Variants in MYCBPAP observed in about 807,000 individuals in gnomAD.
MYCBPAP encodes the protein MYCBP associated protein.
In MYCBPAP, 60 loss-of-function variants were observed where a neutral mutation model predicts 106.1. The ratio of observed to expected loss-of-function variants is 0.57; its 90% CI spans 0.46 to 0.70. The LOEUF (loss-of-function observed/expected upper bound fraction) is 0.70, where lower values mean the gene tolerates loss of function less well. MYCBPAP is among the 30% of genes least tolerant of loss of function. The probability of loss-of-function intolerance (pLI) is 0.00; values close to 1 mark genes in which losing one functional copy is unlikely to be tolerated. For missense variants in MYCBPAP, 1,064 were observed against 1,169.3 expected, an observed-to-expected ratio of 0.91 and a Z score of 1.31; for synonymous variants, 407 against 440.6, an observed-to-expected ratio of 0.92 and a Z score of 0.95.
In MYCBPAP at chr17:50,528,760, A is replaced by G; in HGVS notation, c.2473A>G (p.Lys825Glu). The G allele has an allele frequency of 3.7e-6, 6 of 1,614,160 alleles. No individual in the cohort carries two copies. The highest frequency in any genetic ancestry group is 5.1e-6 in the Non-Finnish European group (6 of 1,180,030). ...PVGKAGKEERKGAAQEKKQLG... is the reference protein window; with the variant it reads ...PVGKAGKEEREGAAQEKKQLG... ...GGGGAAAGCTGGGAAGGAGGAGCGG[A>G]AAGGAGCAGCCCAGGAAAAGAAGCA... Residue 825 changes from lysine (K) to glutamate (E), a missense_variant, in exon 17 of 19, where the codon AAA (lysine) becomes GAA (glutamate). Transcript: ENST00000323776.
At position 50,528,630 on chromosome 17, in the gene MYCBPAP, C is replaced by T. The variant is rs1351200246; in HGVS notation, c.2408-65C>T. On this transcript the variant is annotated intron_variant, in intron 16 of 18. Transcript: ENST00000323776. ...TTCCACCTCCCCTCAAGCCTCCTCA[C>T]GTACCTGCAGCATCCACTAGGCTGT... 9.5e-6 allele frequency: 15 copies of T among 1,577,000 alleles called. No homozygotes were observed. The Middle Eastern group carries it at 5.0e-4, about 53-fold the overall frequency.
At chr17:50,518,060 C>G (rs1200031857) in intron 4 of MYCBPAP, among the ~76,000 whole-genome samples, 1 of 152,220 alleles carries the variant, frequency 6.6e-6, no homozygotes, top group Non-Finnish European at 1.5e-5. Flanking sequence ...CTGGCCTGCC[C>G]TCCTCAGTCC....
intron 12 of MYCBPAP, 101 bp from the exon 13 acceptor site, chr17:50,524,776 G>C: frequency 8.9e-7 from 1 of 1,118,132 alleles, no homozygotes. Flanking sequence ...CAGGAACTCA[G>C]ACCCTAGGAA....
Position 50,521,196 on chromosome 17 carries a change from A to T in MYCBPAP, c.1003A>T (p.Ile335Phe). 2 of 1,613,502 alleles carry T rather than the reference A, an allele frequency of 1.2e-6. No individual in the cohort carries two copies. Among genetic ancestry groups the T allele is most frequent in the Non-Finnish European group, 1.7e-6 (2 of 1,179,812 alleles). ...LIYRRKELQR[I>F]MEELDFSQQD... is the part of the protein sequence containing the mutation. ...CTACCGACGCAAGGAGCTGCAGAGA[A>T]TCATGGAAGAGCTGGATTTCAGCCA... Residue 335 changes from isoleucine (I) to phenylalanine (F), a missense_variant, in exon 8 of 19, where the codon ATC becomes TTC. Transcript: ENST00000323776.
chr17:50,519,868 C>G (rs985680646), intron 7 of MYCBPAP, 81 bp downstream of exon 7: 11 of 1,489,356 alleles, frequency 7.4e-6, no homozygotes, highest in Non-Finnish European at 9.1e-6. Flanking sequence ...CAGCATAGCT[C>G]TACAGTGAAA....
At chr17:50,514,353 A>C (rs1017716939) in intron 1 of MYCBPAP, among the ~76,000 whole-genome samples, 8 of 152,258 alleles carry the variant, frequency 5.3e-5, no homozygotes, top group Non-Finnish European at 1.0e-4. Flanking sequence ...TGTAAGAAGC[A>C]GTGGATAAAA....
intron 1 of MYCBPAP, among the ~76,000 whole-genome samples, chr17:50,513,218 C>CAAAAAAAA (rs1190873215): frequency 1.6e-5 from 1 of 62,696 alleles, no homozygotes; most frequent in Non-Finnish European, 3.0e-5. Context: ...AACTCCATCT[C>CAAAAAAAA]AAAAAAAAAA....
rs747703147 is a variant in MYCBPAP at position 50,523,041 on chromosome 17, T to C, written c.1360T>C (p.Tyr454His). The stretch of plus-strand genomic sequence containing the variant: ...CAATAATGGCACCGTGGCCATTTGG[T>C]ATGACTGGCGACGGCAGCACCAGCC... ...VVNNGTVAIW[Y>H]DWRRQHQPDT... Residue 454 changes from tyrosine (Y) to histidine (H), a missense_variant, in exon 11 of 19, where the codon TAT becomes CAT. Physicochemically the swap from Tyr to His is moderately conservative, Grantham distance 83. Transcript: ENST00000323776. 14 of 1,614,152 alleles carry C rather than the reference T, an allele frequency of 8.7e-6. No individual in the cohort carries two copies. The highest frequency in any genetic ancestry group is 1.7e-5 in the Admixed American group (1 of 60,012).
intron 6 of MYCBPAP, chr17:50,519,422 C>A: frequency 1.6e-6 from 1 of 621,280 alleles, no homozygotes; most frequent in Non-Finnish European, 2.8e-6. Flanking sequence ...AGTGCAGTAC[C>A]TGTACCAACC....
In MYCBPAP at chr17:50,508,570, G is replaced by A. The variant is rs2033699748; in HGVS notation, c.-105G>A. 3 of 1,549,144 alleles carry A rather than the reference G, an allele frequency of 1.9e-6. No homozygotes were observed. Among genetic ancestry groups the A allele is most frequent in the South Asian group, 2.3e-5 (2 of 85,128 alleles). ...GATGCGCGCCCCCGCGCGGGGCACC[G>A]GTTGCTGTGGACGCAGTGGCGGCCG... On this transcript the variant is annotated 5_prime_UTR_variant, in exon 1 of 19. Transcript: ENST00000323776.
chr17:50,523,582 C>T lies in MYCBPAP; in HGVS notation c.1448-15C>T. 1 of 1,613,910 alleles carries T rather than the reference C, an allele frequency of 6.2e-7. No homozygotes were observed. The highest frequency in any genetic ancestry group is 8.5e-7 in the Non-Finnish European group (1 of 1,179,902). On this transcript the variant is annotated splice_polypyrimidine_tract_variant and intron_variant, in intron 11 of 18. Transcript: ENST00000323776. Reference sequence around the variant, plus strand: ...CTCCTGCATGTTGAAAACCTCGGGTCTCTGTCCCTCTCAGGTGTGATTCTG... The same window carrying T: ...CTCCTGCATGTTGAAAACCTCGGGTTTCTGTCCCTCTCAGGTGTGATTCTG...
In MYCBPAP at chr17:50,523,067, G is replaced by T. The variant is rs138678356; in HGVS notation, c.1386G>T (p.Pro462=). ...IWYDWRRQHQ[P]DTFQDLKKNR... is the part of the protein sequence containing the mutation. ...ATGACTGGCGACGGCAGCACCAGCC[G>T]GACACTTTCCAAGACCTTAAGAAAA... is the stretch of plus-strand genomic sequence containing the variant. The change falls in exon 11 of 19, where the codon CCG becomes CCT. Residue 462 remains proline (P), a synonymous_variant. Coordinates refer to ENST00000323776, the MANE Select transcript of MYCBPAP (RefSeq NM_032133.6). 17 of 1,614,022 alleles carry T rather than the reference G, an allele frequency of 1.1e-5. No individual in the cohort carries two copies. The South Asian group carries it at 1.6e-4, about 16-fold the overall frequency.
intron 7 of MYCBPAP, 136 bp downstream of exon 7, chr17:50,519,923 A>G: frequency 1.1e-6 from 1 of 945,556 alleles, no homozygotes; most frequent in Non-Finnish European, 1.5e-6. Flanking sequence ...GGTCTTAGGC[A>G]AGTCCCAGAG....
chr17:50,527,391 C>A lies in MYCBPAP; in HGVS notation c.2274C>A (p.Asn758Lys), dbSNP rs758046890. Reference sequence around the variant, plus strand: ...AGAAGCCAAGGCCATTGCAGTCCAACCTCCTGCACCAGATGTGGTAGGTGC... The same window carrying A: ...AGAAGCCAAGGCCATTGCAGTCCAAACTCCTGCACCAGATGTGGTAGGTGC... ...LCQKPRPLQSNLLHQMCLQLW... is the reference protein window; with the variant it reads ...LCQKPRPLQSKLLHQMCLQLW... Residue 758 changes from asparagine to lysine, a missense_variant, in exon 15 of 19, where the codon AAC becomes AAA. By Grantham distance (94) the Asn-to-Lys change is moderately conservative. Coordinates refer to ENST00000323776, the MANE Select transcript of MYCBPAP (RefSeq NM_032133.6). 2 of 1,614,072 alleles carry A rather than the reference C, an allele frequency of 1.2e-6. No individual in the cohort carries two copies. Among genetic ancestry groups the A allele is most frequent in the Non-Finnish European group, 1.7e-6 (2 of 1,179,974 alleles).
chr17:50,527,472 G>T, intron 15 of MYCBPAP, 64 bp downstream of exon 15: 1 of 1,597,586 alleles, frequency 6.3e-7, no homozygotes, highest in South Asian at 1.1e-5. Flanking sequence ...AGGGGTCCTG[G>T]GCAGGCAGTC....
At position 50,521,424 on chromosome 17, in the gene MYCBPAP, G is replaced by A. The variant is rs1380657; in HGVS notation, c.1141G>A (p.Ala381Thr). 1,166,525 of 1,587,048 alleles carry A rather than the reference G, an allele frequency of 0.74. 431,317 individuals are homozygous for A. Among genetic ancestry groups the A allele is most frequent in the East Asian group, 0.9 (39,371 of 43,954 alleles). ...TCAGGGAAGCTCCTCTGAAGACACAGCATACTTGTGAGTGCAGCCTGAACC... is the reference window on the plus strand; with the variant it reads ...TCAGGGAAGCTCCTCTGAAGACACAACATACTTGTGAGTGCAGCCTGAACC... The part of the protein sequence containing the change: ...RSQGSSSEDT[A>T]YLGTLASSSD... Residue 381 changes from alanine (A) to threonine (T), a missense_variant, in exon 9 of 19, where the codon GCA becomes ACA. Ala to Thr is a moderately conservative substitution (Grantham distance 58). Coordinates refer to ENST00000323776, the MANE Select transcript of MYCBPAP (RefSeq NM_032133.6).
At chr17:50,522,112 G>A in intron 10 of MYCBPAP, 31 bp downstream of exon 10, 1 of 1,585,236 alleles carries the variant, frequency 6.3e-7, no homozygotes, top group Non-Finnish European at 8.7e-7. Context: ...CCTGCTGGGA[G>A]AGCCTCCCTC....
Position 50,521,223 on chromosome 17 carries a change from C to A in MYCBPAP, c.1030C>A (p.Gln344Lys), listed in dbSNP as rs772009477. The A allele has an allele frequency of 6.2e-6, 10 of 1,610,532 alleles. No homozygotes were observed. Among genetic ancestry groups the A allele is most frequent in the Non-Finnish European group, 7.6e-6 (9 of 1,178,518 alleles). ...CATGGAAGAGCTGGATTTCAGCCAGCAGGTTGGTATGGCCTCCATGCCCCA... is the reference window on the plus strand; with the variant it reads ...CATGGAAGAGCTGGATTTCAGCCAGAAGGTTGGTATGGCCTCCATGCCCCA... ...RIMEELDFSQ[Q>K]DIDGLEVVGK... The change falls in exon 8 of 19, where the codon CAG becomes AAG. Residue 344 changes from glutamine (Q) to lysine (K), a missense_variant and splice_region_variant. Physicochemically the swap from Gln to Lys is moderately conservative, Grantham distance 53. Transcript: ENST00000323776.
rs373845465 is a variant in MYCBPAP at position 50,529,142 on chromosome 17, T to C, written c.2678T>C (p.Ile893Thr). Residue 893 changes from isoleucine (I) to threonine (T), a missense_variant, in exon 18 of 19, where the codon ATA (isoleucine) becomes ACA (threonine). Transcript: ENST00000323776. ...PDIILSSQEP[I>T]DPLVMGKYTQ... ...ATCATCCTCTCTTCTCAAGAACCCA[T>C]AGACCCCCTGGTCATGGGGAAATAC... is the stretch of plus-strand genomic sequence containing the variant. The C allele has an allele frequency of 1.5e-5, 24 of 1,613,564 alleles. No individual in the cohort carries two copies. Among genetic ancestry groups the C allele is most frequent in the African/African-American group, 1.5e-4 (11 of 74,902 alleles).
Sources: gnomAD v4.1 joint callset for allele counts (sites outside exome capture counted in the v4.1 genomes callset) on GRCh38, gnomAD v4.1.1 for gene constraint, MANE v1.5 for transcripts, NCBI Gene and HGNC (gene_info 2026-07-23, HGNC 2026-07-21) for gene names.